The following BCAS3 variants were observed in gnomAD, a reference collection of about 807,000 sequenced individuals.
BCAS3 encodes the protein BCAS4/BCAS3 fusion.
Under a neutral mutation model 116.1 loss-of-function variants are expected in BCAS3, and 53 were observed. That is an observed-to-expected ratio of 0.46 (90% CI 0.37 to 0.57). The LOEUF is 0.57. Among genes scored for constraint, BCAS3 ranks in the 20% least tolerant of loss-of-function variants. The pLI is 0.00. For synonymous variants in BCAS3, 391 were observed against 408.2 expected, an observed-to-expected ratio of 0.96 and a Z score of 0.51; for missense variants, 917 against 1,165.4, an observed-to-expected ratio of 0.79 and a Z score of 3.10.
intron 7 of BCAS3, among the ~76,000 whole-genome samples, chr17:60,832,324 C>T (rs999978979): frequency 2.0e-5 from 3 of 152,110 alleles, no homozygotes; most frequent in East Asian, 1.9e-4. Flanking sequence ...ATGCCTGCAG[C>T]GGGCTGGAAT....
chr17:61,081,932 C>T (rs1285765133), intron 21 of BCAS3, among the ~76,000 whole-genome samples: 1 of 152,176 alleles, frequency 6.6e-6, no homozygotes, highest in African/African-American at 2.4e-5. Context: ...ACCCTTGACA[C>T]CTAGTACACT....
At chr17:61,099,813 AATTTTAGGGAT>A (rs1477284692) in intron 22 of BCAS3, among the ~76,000 whole-genome samples, 11 of 152,296 alleles carry the variant, frequency 7.2e-5, no homozygotes, top group Admixed American at 7.2e-4. Context: ...TTTCAGACAT[AATTTTAGGGAT>A]ATTTTGGGCT....
chr17:60,905,189 A>G (rs145628693), intron 11 of BCAS3, among the ~76,000 whole-genome samples: 103 of 152,342 alleles, frequency 6.8e-4, no homozygotes, highest in African/African-American at 2.2e-3. Context: ...ATAGGACACA[A>G]TATATGCTGT....
rs144541626 is a variant in BCAS3 at position 60,931,369 on chromosome 17, G to A, written c.1087+6869G>A. 9.2e-5 allele frequency among the ~76,000 whole-genome samples: 14 copies of A among 152,168 alleles called. No homozygotes were observed. In the East Asian group the frequency reaches 2.1e-3, roughly 23 times the overall value. On this transcript the variant is annotated intron_variant, in intron 13 of 23. Transcript: ENST00000407086. ...CAGCTCACTGCAACCTCCACCTCCC[G>A]GGTTCAAGCGATTTTCCTGCCTCAG...
chr17:60,714,738 G>T (rs1037015124), intron 5 of BCAS3, among the ~76,000 whole-genome samples: 1 of 152,140 alleles, frequency 6.6e-6, no homozygotes, highest in Non-Finnish European at 1.5e-5. Flanking sequence ...GTCTATTGAA[G>T]TGTGTAGATG....
chr17:61,009,255 G>A (rs965926416), intron 15 of BCAS3, among the ~76,000 whole-genome samples: 6 of 151,930 alleles, frequency 3.9e-5, no homozygotes, highest in Non-Finnish European at 7.4e-5. Flanking sequence ...AAGCTTTGCC[G>A]TTTCTATACT....
At chr17:60,784,622 T>A (rs1288137563) in intron 6 of BCAS3, among the ~76,000 whole-genome samples, 4 of 151,792 alleles carry the variant, frequency 2.6e-5, no homozygotes, top group Non-Finnish European at 5.9e-5. Flanking sequence ...TGTTTTTAAA[T>A]GAGGTGGAGT....
At chr17:60,819,408 TA>T in intron 7 of BCAS3, among the ~76,000 whole-genome samples, 1 of 152,342 alleles carries the variant, frequency 6.6e-6, no homozygotes, top group East Asian at 1.9e-4. Flanking sequence ...CTATAATATT[TA>T]AACTATGGAC....
In BCAS3 at chr17:61,136,415, C is replaced by G. The variant is rs997495843; in HGVS notation, c.2425+51851C>G. On this transcript the variant is annotated intron_variant, in intron 22 of 23. Transcript: ENST00000407086. The surrounding 1 kb of genome is among the most constrained non-coding windows in gnomAD (Gnocchi z 4.4). ...GCGTAAGTACTGAAGGTATTTTGGA[C>G]TGGACAATTCTTTGTGTGCAGCTGT... Among the ~76,000 whole-genome samples, 9 of 152,284 alleles carry G rather than the reference C, an allele frequency of 5.9e-5. No individual in the cohort carries two copies. The highest frequency in any genetic ancestry group is 4.1e-4 in the South Asian group (2 of 4,824).
In BCAS3 at chr17:61,143,448, A is replaced by G. The variant is rs145069544; in HGVS notation, c.2425+58884A>G. On this transcript the variant is annotated intron_variant, in intron 22 of 23. Transcript: ENST00000407086. Reference sequence around the variant, plus strand: ...GTAGATATTCTGATTTTGTTTTTTAAAGAAAAATAGAGGTAAAGACTTTAA... The same window carrying G: ...GTAGATATTCTGATTTTGTTTTTTAGAGAAAAATAGAGGTAAAGACTTTAA... 9.5e-3 allele frequency among the ~76,000 whole-genome samples: 1,453 copies of G among 152,322 alleles called. 27 individuals are homozygous for G. The highest frequency in any genetic ancestry group is 0.033 in the African/African-American group (1,391 of 41,568).
At chr17:61,093,916 C>T (rs1329347228) in intron 22 of BCAS3, among the ~76,000 whole-genome samples, 4 of 152,290 alleles carry the variant, frequency 2.6e-5, no homozygotes, top group South Asian at 2.1e-4. Flanking sequence ...TGCATTTGTA[C>T]GAACATACCA....
At position 61,136,349 on chromosome 17, in the gene BCAS3, G is replaced by A. The variant is rs1477188019; in HGVS notation, c.2425+51785G>A. 1.3e-5 allele frequency among the ~76,000 whole-genome samples: 2 copies of A among 152,126 alleles called. No homozygotes were observed. Among genetic ancestry groups the A allele is most frequent in the Non-Finnish European group, 2.9e-5 (2 of 68,036 alleles). ...AGTAAGCTTTTTCAAGACAGATACT[G>A]TCTCTTCTTCATCTCTATATCTGTA... On this transcript the variant is annotated intron_variant, in intron 22 of 23. Coordinates refer to ENST00000407086, the MANE Select transcript of BCAS3 (RefSeq NM_017679.5). The surrounding 1 kb of genome is among the most constrained non-coding windows in gnomAD (Gnocchi z 4.4).
At chr17:60,871,099 A>G (rs917330805) in intron 8 of BCAS3, among the ~76,000 whole-genome samples, 3 of 152,188 alleles carry the variant, frequency 2.0e-5, no homozygotes, top group Admixed American at 1.3e-4. Context: ...TAATATTCCT[A>G]CGTTGCTAAT....
At chr17:61,350,134 T>A (rs930800169) in intron 22 of BCAS3, among the ~76,000 whole-genome samples, 6 of 152,044 alleles carry the variant, frequency 3.9e-5, no homozygotes, top group African/African-American at 1.4e-4. Flanking sequence ...CATTAAAAAA[T>A]ATATAAATTT....
intron 19 of BCAS3, among the ~76,000 whole-genome samples, chr17:61,048,442 G>T (rs1173185220): frequency 6.6e-6 from 1 of 152,060 alleles, no homozygotes; most frequent in African/African-American, 2.4e-5. Flanking sequence ...CAGTAAGGGA[G>T]AAAGCAAGTG....
In BCAS3 at chr17:61,307,933, T is replaced by A. The variant is rs1410709252; in HGVS notation, c.2426-60394T>A. Reference sequence around the variant, plus strand: ...CCCCAAACAGTATACACCTTGACAATGTGGAGACTCAAGATTTTCCAAGCA... The same window carrying A: ...CCCCAAACAGTATACACCTTGACAAAGTGGAGACTCAAGATTTTCCAAGCA... On this transcript the variant is annotated intron_variant, in intron 22 of 23. Transcript: ENST00000407086. The surrounding 1 kb of genome is among the most constrained non-coding windows in gnomAD (Gnocchi z 4.7). 6.6e-6 allele frequency among the ~76,000 whole-genome samples: 1 copy of A among 152,168 alleles called. No individual in the cohort carries two copies. The highest frequency in any genetic ancestry group is 1.9e-4 in the East Asian group (1 of 5,196).
intron 6 of BCAS3, among the ~76,000 whole-genome samples, chr17:60,787,727 T>A (rs576942453): frequency 3.2e-4 from 49 of 152,196 alleles, no homozygotes; most frequent in Non-Finnish European, 5.6e-4. Flanking sequence ...AGTATACAAG[T>A]GGACTATGCA....
rs1450735556 is a variant in BCAS3, at chr17:60,961,404, T to G, written c.1221+14052T>G. ...AGGAATGTCCAGGTGGAAACTGTCA[T>G]GCAGGAGCTGCTGCTTCAATCTATA... is the stretch of plus-strand genomic sequence containing the variant. On this transcript the variant is annotated intron_variant, in intron 14 of 23. Transcript: ENST00000407086. This position sits in a 1 kb window ranked among gnomAD's most constrained non-coding sequence, Gnocchi z 4.8. Among the ~76,000 whole-genome samples the G allele has an allele frequency of 6.6e-6, 1 of 152,140 alleles. No homozygotes were observed. The highest frequency in any genetic ancestry group is 1.5e-5 in the Non-Finnish European group (1 of 68,034).
At position 61,387,228 on chromosome 17, in the gene BCAS3, T is replaced by C. The variant is rs2059901715; in HGVS notation, c.2594-4749T>C. ...TGGCAAAGGGGCCACAACACTGCAC[T>C]GTGGGTGGAGGTGCATGGGCCCATG... On this transcript the variant is annotated intron_variant, in intron 23 of 23. Coordinates refer to ENST00000407086, the MANE Select transcript of BCAS3 (RefSeq NM_017679.5). The surrounding 1 kb of genome is among the most constrained non-coding windows in gnomAD (Gnocchi z 6.2). Among the ~76,000 whole-genome samples, 1 of 152,212 alleles carries C rather than the reference T, an allele frequency of 6.6e-6. No homozygotes were observed. The highest frequency in any genetic ancestry group is 1.5e-5 in the Non-Finnish European group (1 of 68,034).
Sources: gnomAD v4.1 joint callset for allele counts (sites outside exome capture counted in the v4.1 genomes callset) on GRCh38, gnomAD v4.1.1 for gene constraint, Gnocchi (gnomAD v3.1) non-coding constraint, MANE v1.5 for transcripts, NCBI Gene and HGNC (gene_info 2026-07-23, HGNC 2026-07-21) for gene names.